Variants in IQGAP2 observed in about 807,000 individuals in gnomAD.
IQGAP2 encodes IQ motif containing GTPase activating protein 2.
A neutral mutation model predicts 201.3 loss-of-function variants in IQGAP2; 173 were observed. The observed-to-expected ratio is 0.86, with a 90% CI of 0.76 to 0.98. The LOEUF (loss-of-function observed/expected upper bound fraction) is 0.98. Among genes scored for constraint, IQGAP2 ranks in the 50% least tolerant of loss-of-function variants. The pLI, the probability that IQGAP2 is intolerant of heterozygous loss-of-function variation, is 0.00. For missense variants in IQGAP2, 1,687 were observed against 1,864.8 expected (o/e 0.90, Z 1.76); for synonymous variants, 675 against 673.9 (o/e 1.00, Z -0.03).
rs775546403 is a variant in IQGAP2, at chr5:76,668,761, C to T, written c.2760C>T (p.Phe920=). ...KSTKFMDTVI[F]TLYNYASNQR... The stretch of plus-strand genomic sequence containing the variant: ...CTAAATTTATGGATACTGTTATTTT[C>T]ACACTATATAATTATGCCTCTAATC... Residue 920 remains phenylalanine, a synonymous_variant, in exon 23 of 36, where the codon TTC becomes TTT. Transcript: ENST00000274364. 38 of 1,609,596 alleles carry T rather than the reference C, an allele frequency of 2.4e-5. No homozygotes were observed. The highest frequency in any genetic ancestry group is 4.2e-6 in the Non-Finnish European group (5 of 1,177,160).
intron 1 of IQGAP2, among the ~76,000 whole-genome samples, chr5:76,460,792 G>A (rs1268958847): frequency 1.3e-5 from 2 of 151,892 alleles, no homozygotes; most frequent in Non-Finnish European, 2.9e-5. Flanking sequence ...GGAAAATTGG[G>A]AGTGGTAGGA....
intron 8 of IQGAP2, among the ~76,000 whole-genome samples, chr5:76,592,203 A>G (rs1328478640): frequency 1.3e-5 from 2 of 152,160 alleles, no homozygotes; most frequent in Admixed American, 6.5e-5. Context: ...CCGATTCTCT[A>G]TTACCTACTG....
intron 2 of IQGAP2, among the ~76,000 whole-genome samples, chr5:76,466,254 T>C (rs970515625): frequency 3.3e-5 from 5 of 152,124 alleles, no homozygotes; most frequent in African/African-American, 1.2e-4. Context: ...GGCGTGAAGA[T>C]CACTCAGGAG....
chr5:76,436,456 T>G (rs1189865912), intron 1 of IQGAP2, among the ~76,000 whole-genome samples: 1 of 138,342 alleles, frequency 7.2e-6, no homozygotes, highest in Non-Finnish European at 1.5e-5. Context: ...AGATGCTTTT[T>G]CTGCATCTAT....
intron 2 of IQGAP2, among the ~76,000 whole-genome samples, chr5:76,484,274 G>GTGTCAAC (rs1755976634): frequency 6.6e-6 from 1 of 152,182 alleles, no homozygotes; most frequent in Non-Finnish European, 1.5e-5. Context: ...CTTTAGTCAG[G>GTGTCAAC]TGTCAACACC....
chr5:76,540,293 A>AT (rs1742676147), intron 2 of IQGAP2, among the ~76,000 whole-genome samples: 5 of 152,252 alleles, frequency 3.3e-5, no homozygotes, highest in African/African-American at 1.2e-4. Flanking sequence ...TTAAGTAGAT[A>AT]CAAGAAAGAA....
intron 2 of IQGAP2, among the ~76,000 whole-genome samples, chr5:76,531,422 T>TTTTATTTA (rs563189046): frequency 6.6e-6 from 1 of 151,898 alleles, no homozygotes; most frequent in African/African-American, 2.4e-5. Flanking sequence ...CCCAGATAAT[T>TTTTATTTA]TTTATTTATT....
intron 1 of IQGAP2, among the ~76,000 whole-genome samples, chr5:76,421,304 A>G (rs2150081088): frequency 6.6e-6 from 1 of 152,038 alleles, no homozygotes; most frequent in Non-Finnish European, 1.5e-5. Flanking sequence ...CGAGATAAAG[A>G]GCAATGGGTA....
At chr5:76,623,798 C>A (rs1474358775) in intron 13 of IQGAP2, among the ~76,000 whole-genome samples, 2 of 152,120 alleles carry the variant, frequency 1.3e-5, no homozygotes, top group Non-Finnish European at 1.5e-5. Context: ...TTAAGAAATT[C>A]AAATTGAGCG....
At chr5:76,609,078 T>G (rs899152297) in intron 12 of IQGAP2, 2 of 1,530,492 alleles carry the variant, frequency 1.3e-6, no homozygotes, top group African/African-American at 2.7e-5. Flanking sequence ...TCCTATGATG[T>G]CATTCACTAT....
intron 2 of IQGAP2, among the ~76,000 whole-genome samples, chr5:76,494,400 G>A (rs181488171): frequency 1.3e-5 from 2 of 152,232 alleles, no homozygotes; most frequent in African/African-American, 4.8e-5. Flanking sequence ...AGAGGATAAG[G>A]TCCACTGGTT....
At chr5:76,513,939 C>G (rs1476404748) in intron 2 of IQGAP2, among the ~76,000 whole-genome samples, 1 of 150,640 alleles carries the variant, frequency 6.6e-6, no homozygotes, top group Non-Finnish European at 1.5e-5. Flanking sequence ...AGGTGAGGGG[C>G]TATACGGAAA....
At chr5:76,587,163 A>G (rs1746305388) in intron 5 of IQGAP2, among the ~76,000 whole-genome samples, 1 of 152,240 alleles carries the variant, frequency 6.6e-6, no homozygotes. Flanking sequence ...TAGAAAGTTA[A>G]CCAAAGGTCA....
At chr5:76,435,463 G>A (rs955756169) in intron 1 of IQGAP2, among the ~76,000 whole-genome samples, 1 of 152,174 alleles carries the variant, frequency 6.6e-6, no homozygotes, top group Non-Finnish European at 1.5e-5. Context: ...TCCTTTTCCA[G>A]TTTATGTTTT....
chr5:76,486,466 A>G (rs1756143809), intron 2 of IQGAP2, among the ~76,000 whole-genome samples: 1 of 152,194 alleles, frequency 6.6e-6, no homozygotes, highest in Non-Finnish European at 1.5e-5. Context: ...ATGTTGAAAT[A>G]AACTCATTTT....
At chr5:76,412,740 T>G (rs555555357) in intron 1 of IQGAP2, among the ~76,000 whole-genome samples, 9 of 152,234 alleles carry the variant, frequency 5.9e-5, no homozygotes, top group African/African-American at 2.2e-4. Flanking sequence ...AATGAGGAAT[T>G]TATTGTCTGT....
chr5:76,700,241 G>A (rs1014318978), intron 33 of IQGAP2, among the ~76,000 whole-genome samples: 6 of 152,122 alleles, frequency 3.9e-5, no homozygotes, highest in Non-Finnish European at 8.8e-5. Flanking sequence ...GTGATCTTGA[G>A]CCCAGTTCAG....
In IQGAP2 at chr5:76,637,020, AC is replaced by A; in HGVS notation, c.1781-13del. On this transcript the variant is annotated splice_polypyrimidine_tract_variant and intron_variant, in intron 15 of 35. Coordinates refer to ENST00000274364, the MANE Select transcript of IQGAP2 (RefSeq NM_006633.5). ...ACTGTGTCTGTGTAGAATTTAACAA[AC>A]TTTTTTCTTTAGTGTCTAGTGACGG... is the stretch of plus-strand genomic sequence containing the variant. 6.3e-7 allele frequency: 1 copy of A among 1,585,306 alleles called. No homozygotes were observed. The highest frequency in any genetic ancestry group is 8.6e-7 in the Non-Finnish European group (1 of 1,167,632).
intron 2 of IQGAP2, among the ~76,000 whole-genome samples, chr5:76,488,185 G>C (rs377506009): frequency 5.4e-4 from 82 of 152,300 alleles, no homozygotes; most frequent in African/African-American, 1.9e-3. Flanking sequence ...GTAACTGATA[G>C]CTGTCAATTC....
Sources: allele counts gnomAD v4.1 joint callset (sites outside exome capture counted in the v4.1 genomes callset), GRCh38; gene constraint gnomAD v4.1.1; transcripts MANE v1.5; gene names NCBI Gene and HGNC (gene_info 2026-07-23, HGNC 2026-07-21).